KLC1: variants seen among roughly 807,000 people sequenced by gnomAD.
The protein encoded by KLC1 is kinesin light chain 1, also known as kinesin 2 60/70kDa.
Under a neutral mutation model 84.2 loss-of-function variants are expected in KLC1, and 30 were observed. The observed-to-expected ratio is 0.36, with a 90% CI of 0.27 to 0.48. KLC1 has a LOEUF of 0.48. Ranked by LOEUF, KLC1 falls within the 20% of genes least tolerant of loss-of-function variation. KLC1 has a pLI of 0.99. For synonymous variants in KLC1, 289 were observed against 293.3 expected, an observed-to-expected ratio of 0.99 and a Z score of 0.15; for missense variants, 499 against 805.4, an observed-to-expected ratio of 0.62 and a Z score of 4.60.
At chr14:103,642,692 A>G (rs2077580886) in intron 1 of KLC1, among the ~76,000 whole-genome samples, 1 of 152,196 alleles carries the variant, frequency 6.6e-6, no homozygotes, top group South Asian at 2.1e-4. Context: ...CACAGGAACC[A>G]ACTGAAAGAG....
chr14:103,685,251 A>G, intron 13 of KLC1: 1 of 1,396,560 alleles, frequency 7.2e-7, no homozygotes. Context: ...TAAGAGAATG[A>G]AAGTCATACC....
intron 15 of KLC1, chr14:103,697,218 T>C (rs2082604457): frequency 1.5e-6 from 1 of 654,960 alleles, no homozygotes; most frequent in African/African-American, 2.0e-5. Context: ...CTTTTTCCCA[T>C]GTTCATGCCA....
chr14:103,647,692 A>G (rs1036258457), intron 1 of KLC1, among the ~76,000 whole-genome samples: 1 of 151,636 alleles, frequency 6.6e-6, no homozygotes, highest in Non-Finnish European at 1.5e-5. Context: ...CCTGGCATAC[A>G]TGGTAAAACC....
chr14:103,645,794 G>A (rs1470745823), intron 1 of KLC1, among the ~76,000 whole-genome samples: 1 of 148,246 alleles, frequency 6.7e-6, no homozygotes, highest in Non-Finnish European at 1.5e-5. Context: ...GTCTCGCTCT[G>A]TTGCCCAGGC....
At chr14:103,656,928 G>A (rs2078879814) in intron 2 of KLC1, among the ~76,000 whole-genome samples, 1 of 152,186 alleles carries the variant, frequency 6.6e-6, no homozygotes, top group Admixed American at 6.5e-5. Flanking sequence ...ACTTGCCACA[G>A]CCTCACGCTG....
chr14:103,663,322 C>T (rs1345498338), intron 5 of KLC1, among the ~76,000 whole-genome samples: 2 of 152,090 alleles, frequency 1.3e-5, no homozygotes, highest in South Asian at 2.1e-4. Flanking sequence ...CCTCGTGATC[C>T]GCCCGCCTCA....
At chr14:103,670,049 C>T in intron 6 of KLC1, 133 bp from the exon 7 acceptor site, 1 of 615,396 alleles carries the variant, frequency 1.6e-6, no homozygotes, top group South Asian at 2.5e-5. Flanking sequence ...TTCATTTTAA[C>T]TGAAGTCATA....
intron 14 of KLC1, 22 bp from the exon 15 acceptor site, chr14:103,692,337 C>A (rs1450737620): frequency 2.0e-6 from 3 of 1,535,724 alleles, no homozygotes; most frequent in Admixed American, 2.0e-5. Flanking sequence ...TTTGTCCTTG[C>A]ATGTCCGTGT....
chr14:103,662,147 C>T lies in KLC1; in HGVS notation c.524C>T (p.Pro175Leu). 6.2e-7 allele frequency: 1 copy of T among 1,613,960 alleles called. No individual in the cohort carries two copies. The highest frequency in any genetic ancestry group is 8.5e-7 in the Non-Finnish European group (1 of 1,179,912). The change falls in exon 4 of 17, where the codon CCT becomes CTT. Residue 175 changes from proline (P) to leucine (L), a missense_variant. Transcript: ENST00000334553. ...AAAGACACTGATTCTACCAAAGAGC[C>T]TCTGGATGACCTTTTCCCCAATGAT... is the stretch of plus-strand genomic sequence containing the variant. ...EDKDTDSTKE[P>L]LDDLFPNDED...
intron 7 of KLC1, 32 bp downstream of exon 7, chr14:103,670,315 A>G: frequency 7.0e-7 from 1 of 1,434,220 alleles, no homozygotes; most frequent in Non-Finnish European, 9.6e-7. Flanking sequence ...GTTTTCTTTG[A>G]GATTTTTGTT....
chr14:103,700,702 G>A lies in KLC1; in HGVS notation c.1896G>A (p.Gln632=), dbSNP rs769033526. 3 of 1,604,940 alleles carry A rather than the reference G, an allele frequency of 1.9e-6. No homozygotes were observed. In the South Asian group the frequency reaches 3.3e-5, roughly 18 times the overall value. The change falls in exon 16 of 17, where the codon CAG becomes CAA. Residue 632 remains glutamine (Q), a synonymous_variant. Coordinates refer to ENST00000334553, the MANE Select transcript of KLC1 (RefSeq NM_001394837.1). The part of the protein sequence containing the change: ...ASFCGKRQQQ[Q]WPGRRHR ...TTTGTGGAAAACGACAGCAGCAGCA[G>A]TGGCCTGGAAGACGCCACCGCTAAC...
chr14:103,659,593 T>C (rs2079117203), intron 3 of KLC1, among the ~76,000 whole-genome samples: 1 of 152,198 alleles, frequency 6.6e-6, no homozygotes, highest in South Asian at 2.1e-4. Flanking sequence ...CACATTGCAT[T>C]TGGAACTAAC....
chr14:103,699,048 T>C, intron 15 of KLC1: 1 of 1,567,042 alleles, frequency 6.4e-7, no homozygotes, highest in Non-Finnish European at 8.7e-7. Context: ...AAGCTGGCGC[T>C]CAGGCTTGGT....
At chr14:103,689,052 T>C (rs2151836554) in intron 14 of KLC1, among the ~76,000 whole-genome samples, 1 of 140,448 alleles carries the variant, frequency 7.1e-6, no homozygotes, top group Middle Eastern at 3.6e-3. Context: ...GGAGCAGTGC[T>C]GTGTGACTGC....
At chr14:103,683,442 T>C (rs548259898) in intron 13 of KLC1, 1 of 152,326 alleles carries the variant, frequency 6.6e-6, no homozygotes, top group African/African-American at 2.4e-5. Flanking sequence ...TGCAACTGCA[T>C]TGTGCACAGA....
At chr14:103,642,824 G>A (rs2077595682) in intron 1 of KLC1, among the ~76,000 whole-genome samples, 2 of 149,748 alleles carry the variant, frequency 1.3e-5, no homozygotes, top group Admixed American at 6.7e-5. Flanking sequence ...CTGGAGTGCA[G>A]TGGCGTGATC....
chr14:103,678,697 G>GA (rs369328870), intron 12 of KLC1, among the ~76,000 whole-genome samples: 2,705 of 137,990 alleles, frequency 0.02, 69 homozygotes, highest in African/African-American at 0.062. Context: ...CTCAAAGAAA[G>GA]AAAAAAAAAA....
chr14:103,660,164 T>G (rs921135828), intron 3 of KLC1, among the ~76,000 whole-genome samples: 1 of 152,124 alleles, frequency 6.6e-6, no homozygotes, highest in Admixed American at 6.6e-5. Flanking sequence ...TCCTCTAGGT[T>G]AGGGGCCAAC....
intron 1 of KLC1, among the ~76,000 whole-genome samples, chr14:103,647,839 G>T (rs1219580305): frequency 6.8e-6 from 1 of 147,500 alleles, no homozygotes; most frequent in Non-Finnish European, 1.5e-5. Context: ...TTGTGCAACT[G>T]CACTCCAGCC....
Sources: allele counts gnomAD v4.1 joint callset (sites outside exome capture counted in the v4.1 genomes callset), GRCh38; gene constraint gnomAD v4.1.1; transcripts MANE v1.5; gene names NCBI Gene and HGNC (gene_info 2026-07-23, HGNC 2026-07-21).